Variants in DYRK1A observed in about 807,000 individuals in gnomAD.
DYRK1A encodes dual specificity tyrosine phosphorylation regulated kinase 1A.
A neutral mutation model predicts 79.7 loss-of-function variants in DYRK1A; 9 were observed. The ratio of observed to expected loss-of-function variants is 0.11; its 90% CI spans 0.07 to 0.20. The LOEUF (loss-of-function observed/expected upper bound fraction) is 0.20, where lower values mean the gene tolerates loss of function less well. Ranked by LOEUF, DYRK1A falls within the 10% of genes least tolerant of loss-of-function variation. DYRK1A has a pLI of 1.00. For missense variants in DYRK1A, 622 were observed against 956.0 expected (o/e 0.65, Z 4.61); for synonymous variants, 349 against 329.7 (o/e 1.06, Z -0.63).
intron 1 of DYRK1A, among the ~76,000 whole-genome samples, chr21:37,371,913 A>C (rs2049438765): frequency 6.6e-6 from 1 of 152,148 alleles, no homozygotes; most frequent in Admixed American, 6.5e-5. Context: ...TAACATTTCC[A>C]ATGACAAGAT....
chr21:37,388,100 A>ATTTTTT (rs34571307), intron 1 of DYRK1A, among the ~76,000 whole-genome samples: 2 of 116,628 alleles, frequency 1.7e-5, no homozygotes, highest in Admixed American at 9.3e-5. Context: ...CTTCCCTTTG[A>ATTTTTT]TTTTTTTTTT....
chr21:37,448,121 T>C (rs2051330381), intron 2 of DYRK1A, among the ~76,000 whole-genome samples: 1 of 152,206 alleles, frequency 6.6e-6, no homozygotes, highest in Admixed American at 6.5e-5. Context: ...TTCACTTGAT[T>C]CCCAAAATGT....
intron 9 of DYRK1A, 96 bp downstream of exon 9, chr21:37,496,354 G>A (rs1569386178): frequency 7.7e-7 from 1 of 1,304,296 alleles, no homozygotes; most frequent in Admixed American, 2.5e-5. Context: ...AAATCAGTGT[G>A]TTTCAGTTAA....
In DYRK1A at chr21:37,409,571, G is replaced by T. The variant is rs536941078; in HGVS notation, c.-76-10728G>T. ...TTACTCATTGTGGCCCCTAGTTACAGTTCATGAAAGGGATTTTTTAATGTT... is the reference window on the plus strand; with the variant it reads ...TTACTCATTGTGGCCCCTAGTTACATTTCATGAAAGGGATTTTTTAATGTT... On this transcript the variant is annotated intron_variant, in intron 1 of 11. Coordinates refer to ENST00000647188, the MANE Select transcript of DYRK1A (RefSeq NM_001347721.2). 2.6e-5 allele frequency among the ~76,000 whole-genome samples: 4 copies of T among 152,258 alleles called. No homozygotes were observed. In the East Asian group the frequency reaches 7.7e-4, roughly 29 times the overall value.
At chr21:37,429,288 C>A (rs563566223) in intron 2 of DYRK1A, among the ~76,000 whole-genome samples, 1 of 152,264 alleles carries the variant, frequency 6.6e-6, no homozygotes, top group South Asian at 2.1e-4. Flanking sequence ...CCAGCTCTTT[C>A]CTCTCCTACT....
intron 1 of DYRK1A, among the ~76,000 whole-genome samples, chr21:37,396,693 A>T (rs2049965238): frequency 6.6e-6 from 1 of 152,158 alleles, no homozygotes. Flanking sequence ...TTGTTTATAA[A>T]CTTGAAGAAT....
chr21:37,503,381 T>C (rs1406892821), intron 9 of DYRK1A: 1 of 152,252 alleles, frequency 6.6e-6, no homozygotes. Flanking sequence ...TTCCTTGTGC[T>C]GAGTCCAGTC....
At chr21:37,509,355 A>C (rs1428181309) in intron 11 of DYRK1A, among the ~76,000 whole-genome samples, 1 of 152,126 alleles carries the variant, frequency 6.6e-6, no homozygotes, top group Non-Finnish European at 1.5e-5. Flanking sequence ...GTAAATAGAG[A>C]GCTTTTTCAT....
intron 2 of DYRK1A, among the ~76,000 whole-genome samples, chr21:37,422,054 A>G (rs1010057148): frequency 3.3e-5 from 5 of 152,162 alleles, no homozygotes; most frequent in Non-Finnish European, 5.9e-5. Context: ...TGAAATAACT[A>G]ATGAGTAAAT....
At chr21:37,422,741 A>C (rs2050510200) in intron 2 of DYRK1A, among the ~76,000 whole-genome samples, 1 of 152,110 alleles carries the variant, frequency 6.6e-6, no homozygotes, top group Non-Finnish European at 1.5e-5. Context: ...GTGTATCAAA[A>C]CATCATGTTT....
At chr21:37,470,647 A>T (rs2052190542) in intron 2 of DYRK1A, among the ~76,000 whole-genome samples, 3 of 152,154 alleles carry the variant, frequency 2.0e-5, no homozygotes. Flanking sequence ...AATTCTTTTT[A>T]TTTATATTCC....
At chr21:37,445,762 C>T (rs1482743675) in intron 2 of DYRK1A, among the ~76,000 whole-genome samples, 1 of 152,134 alleles carries the variant, frequency 6.6e-6, no homozygotes, top group Admixed American at 6.5e-5. Context: ...CCAGCACCCT[C>T]TATATAAAAG....
chr21:37,434,235 C>T (rs751892880), intron 2 of DYRK1A, among the ~76,000 whole-genome samples: 4 of 152,018 alleles, frequency 2.6e-5, no homozygotes, highest in Admixed American at 2.0e-4. Flanking sequence ...TTTCTGGAGA[C>T]GTTTATAGAC....
intron 1 of DYRK1A, among the ~76,000 whole-genome samples, chr21:37,418,005 A>G (rs1006105067): frequency 2.6e-5 from 4 of 152,220 alleles, no homozygotes; most frequent in African/African-American, 9.6e-5. Context: ...AAATGAAAAT[A>G]TGACTGTCTA....
Position 37,519,736 on chromosome 21 carries a change from G to GTTTTTTTTTTTTTTTTTTTTTT in DYRK1A, c.*7207_*7228dup, listed in dbSNP as rs10590534. 12 of 85,798 alleles carry GTTTTTTTTTTTTTTTTTTTTTT rather than the reference G, an allele frequency of 1.4e-4. No homozygotes were observed. The highest frequency in any genetic ancestry group is 5.8e-4 in the African/African-American group (12 of 20,576). The allele number at this position is 85,798 out of a possible 1,614,324, so 5.3% of individuals were successfully genotyped here. A position where few individuals can be genotyped will look rare whatever the true frequency, so the allele number is the denominator to read the frequency against. On this transcript the variant is annotated 3_prime_UTR_variant, in exon 12 of 12. Transcript: ENST00000647188. ...AGAGTTTTGAGGTTTGTTGTGGGAA[G>GTTTTTTTTTTTTTTTTTTTTTT]TTTTTTTTTTTTTTTTTTTTTTTGA...
intron 5 of DYRK1A, among the ~76,000 whole-genome samples, chr21:37,481,957 A>G (rs2052658345): frequency 6.6e-6 from 1 of 152,082 alleles, no homozygotes; most frequent in African/African-American, 2.4e-5. Context: ...TTGAGGTGTG[A>G]TTTGCTGATA....
At chr21:37,476,979 C>A (rs988826245) in intron 3 of DYRK1A, among the ~76,000 whole-genome samples, 1 of 152,084 alleles carries the variant, frequency 6.6e-6, no homozygotes, top group Non-Finnish European at 1.5e-5. Context: ...CATGATAAAG[C>A]GCACGTAGTA....
chr21:37,464,126 T>C (rs1309239503), intron 2 of DYRK1A, among the ~76,000 whole-genome samples: 1 of 152,146 alleles, frequency 6.6e-6, no homozygotes, highest in African/African-American at 2.4e-5. Context: ...CTGATACTTG[T>C]TATTTTTACT....
At chr21:37,445,237 G>C (rs1255244026) in intron 2 of DYRK1A, among the ~76,000 whole-genome samples, 1 of 152,216 alleles carries the variant, frequency 6.6e-6, no homozygotes, top group East Asian at 1.9e-4. Flanking sequence ...GAAGGCAAGA[G>C]TAAACACGAA....
Sources: allele counts gnomAD v4.1 joint callset (sites outside exome capture counted in the v4.1 genomes callset), GRCh38; gene constraint gnomAD v4.1.1; transcripts MANE v1.5; gene names NCBI Gene and HGNC (gene_info 2026-07-23, HGNC 2026-07-21).